Variants in NCKAP5 observed in about 807,000 individuals in gnomAD.
NCKAP5 encodes NCK associated protein 5.
Under a neutral mutation model 167.0 loss-of-function variants are expected in NCKAP5, and 92 were observed. The ratio of observed to expected loss-of-function variants is 0.55; its 90% CI spans 0.47 to 0.66. NCKAP5 has a LOEUF of 0.66. Ranked by LOEUF, NCKAP5 falls within the 30% of genes least tolerant of loss-of-function variation. NCKAP5 has a pLI of 0.00. For missense variants in NCKAP5, 2,378 were observed against 2,315.0 expected, an observed-to-expected ratio of 1.03 and a Z score of -0.56; for synonymous variants, 891 against 877.4, an observed-to-expected ratio of 1.02 and a Z score of -0.27.
At chr2:133,181,140 AT>A (rs2084713875) in intron 5 of NCKAP5, among the ~76,000 whole-genome samples, 1 of 124,728 alleles carries the variant, frequency 8.0e-6, no homozygotes, top group Admixed American at 7.2e-5. Context: ...AAACAACACT[AT>A]GTGATATGGT....
chr2:133,627,588 G>T, the NCKAP5 span, among the ~76,000 whole-genome samples: 1 of 152,070 alleles, frequency 6.6e-6, no homozygotes, highest in Non-Finnish European at 1.5e-5. Flanking sequence ...CAGCTGGACA[G>T]CACGGCGAAA....
At chr2:133,257,753 C>A (rs2088691908) in intron 4 of NCKAP5, among the ~76,000 whole-genome samples, 1 of 152,086 alleles carries the variant, frequency 6.6e-6, no homozygotes, top group Admixed American at 6.5e-5. Flanking sequence ...ACCAGAGAGA[C>A]AAATGAAGGG....
intron 3 of NCKAP5, among the ~76,000 whole-genome samples, chr2:133,490,983 C>T (rs1681388736): frequency 6.6e-6 from 1 of 152,090 alleles, no homozygotes; most frequent in Non-Finnish European, 1.5e-5. Flanking sequence ...CCAAAAGAAC[C>T]AGAGGAAACT....
intron 4 of NCKAP5, among the ~76,000 whole-genome samples, chr2:133,285,134 A>G (rs2090060837): frequency 6.6e-6 from 1 of 152,158 alleles, no homozygotes; most frequent in Admixed American, 6.5e-5. Flanking sequence ...TGACAAGTGA[A>G]TCTGCTTTTT....
intron 7 of NCKAP5, among the ~76,000 whole-genome samples, chr2:132,979,238 C>A (rs993668946): frequency 6.6e-6 from 1 of 152,148 alleles, no homozygotes; most frequent in African/African-American, 2.4e-5. Context: ...AATTTAGAGT[C>A]CTGTCTTTTT....
At chr2:133,571,815 C>A (rs1300916949), upstream of NCKAP5, among the ~76,000 whole-genome samples, 1 of 152,138 alleles carries the variant, frequency 6.6e-6, no homozygotes, top group Non-Finnish European at 1.5e-5. Flanking sequence ...CCCCCATTCT[C>A]ATAAACAACT....
intron 6 of NCKAP5, among the ~76,000 whole-genome samples, chr2:133,077,594 G>A (rs1174073154): frequency 6.6e-6 from 1 of 152,148 alleles, no homozygotes; most frequent in Non-Finnish European, 1.5e-5. Context: ...AAGCCCCGAT[G>A]ATGGGACAAG....
At chr2:133,465,181 C>T (rs1692480880) in intron 3 of NCKAP5, among the ~76,000 whole-genome samples, 1 of 124,522 alleles carries the variant, frequency 8.0e-6, no homozygotes, top group African/African-American at 3.0e-5. Flanking sequence ...ACAACAGTCC[C>T]CAGAGTGTGA....
At chr2:133,319,244 G>C (rs1046825006) in intron 3 of NCKAP5, among the ~76,000 whole-genome samples, 2 of 138,360 alleles carry the variant, frequency 1.4e-5, no homozygotes, top group African/African-American at 5.4e-5. Flanking sequence ...AACAATTCAA[G>C]GTTTCTTTTC....
At chr2:133,221,879 A>G (rs2086675305) in intron 4 of NCKAP5, among the ~76,000 whole-genome samples, 1 of 152,224 alleles carries the variant, frequency 6.6e-6, no homozygotes, top group Admixed American at 6.5e-5. Flanking sequence ...TTTTGAATGC[A>G]ATGCTGTTAG....
At chr2:133,061,295 T>C (rs996436212) in intron 6 of NCKAP5, among the ~76,000 whole-genome samples, 2 of 152,178 alleles carry the variant, frequency 1.3e-5, no homozygotes, top group African/African-American at 4.8e-5. Context: ...TGTCAAACAG[T>C]ATTGCTTGCT....
the NCKAP5 span, among the ~76,000 whole-genome samples, chr2:133,664,047 T>A: frequency 2.0e-5 from 3 of 152,206 alleles, no homozygotes; most frequent in African/African-American, 4.8e-5. Flanking sequence ...GACTACTGAA[T>A]GGATGTTGTG....
intron 11 of NCKAP5, among the ~76,000 whole-genome samples, chr2:132,822,532 G>A (rs958223282): frequency 4.6e-5 from 7 of 152,322 alleles, no homozygotes; most frequent in South Asian, 2.1e-4. Context: ...GGAGCACCCC[G>A]TGGGACAAGA....
At chr2:133,280,147 G>A (rs751649954) in intron 4 of NCKAP5, among the ~76,000 whole-genome samples, 2 of 151,836 alleles carry the variant, frequency 1.3e-5, no homozygotes, top group Non-Finnish European at 2.9e-5. Context: ...TATATTTGAG[G>A]ACCTCTATTT....
At chr2:133,662,243 G>A in the NCKAP5 span, among the ~76,000 whole-genome samples, 1 of 152,068 alleles carries the variant, frequency 6.6e-6, no homozygotes, top group African/African-American at 2.4e-5. Flanking sequence ...ACCTTACCAA[G>A]TTTTCCAAAT....
intron 13 of NCKAP5, 131 bp from the exon 14 acceptor site, chr2:132,785,849 A>G (rs1439589935): frequency 4.8e-6 from 3 of 623,926 alleles, no homozygotes; most frequent in East Asian, 6.8e-5. Flanking sequence ...GCCTACATTA[A>G]TTAGCTAATT....
chr2:133,369,633 G>T (rs947334506), intron 3 of NCKAP5, among the ~76,000 whole-genome samples: 2 of 152,138 alleles, frequency 1.3e-5, no homozygotes, highest in African/African-American at 2.4e-5. Flanking sequence ...AACACAGGGG[G>T]ATTAAAAATA....
At chr2:132,844,861 C>T (rs1184064072) in intron 11 of NCKAP5, among the ~76,000 whole-genome samples, 3 of 152,114 alleles carry the variant, frequency 2.0e-5, no homozygotes, top group Non-Finnish European at 2.9e-5. Context: ...AATTGCTGTA[C>T]TTATTTATAA....
At chr2:133,043,425 G>A (rs2079280523) in intron 6 of NCKAP5, among the ~76,000 whole-genome samples, 2 of 152,038 alleles carry the variant, frequency 1.3e-5, no homozygotes, top group South Asian at 4.1e-4. Flanking sequence ...TAATTCAGGG[G>A]TTTCCAATCT....
Sources: allele counts gnomAD v4.1 joint callset (sites outside exome capture counted in the v4.1 genomes callset), GRCh38; gene constraint gnomAD v4.1.1; transcripts MANE v1.5; gene names NCBI Gene and HGNC (gene_info 2026-07-23, HGNC 2026-07-21).